MAPK10: variants seen among roughly 807,000 people sequenced by gnomAD.
MAPK10 encodes JNK3 alpha protein kinase.
MAPK10 carries 25 observed loss-of-function variants against 59.3 expected under a neutral mutation model. That is an observed-to-expected ratio of 0.42 (90% CI 0.31 to 0.59). The LOEUF is 0.59. Ranked by LOEUF, MAPK10 falls within the 20% of genes least tolerant of loss-of-function variation. The pLI, the probability that MAPK10 is intolerant of heterozygous loss-of-function variation, is 0.15. For missense variants in MAPK10, 351 were observed against 568.9 expected (o/e 0.62, Z 3.90); for synonymous variants, 190 against 200.5 (o/e 0.95, Z 0.44).
chr4:86,075,578 G>T (rs2049137224), intron 9 of MAPK10, among the ~76,000 whole-genome samples: 1 of 152,124 alleles, frequency 6.6e-6, no homozygotes, highest in African/African-American at 2.4e-5. Flanking sequence ...TTTCAGTGTG[G>T]ATGTCCTTTC....
At position 86,240,658 on chromosome 4, in the gene MAPK10, A is replaced by G. The variant is rs149927450; in HGVS notation, c.-6-46251T>C. 1.3e-4 allele frequency among the ~76,000 whole-genome samples: 20 copies of G among 148,460 alleles called. No homozygotes were observed. In the East Asian group the frequency reaches 3.9e-3, roughly 29 times the overall value. On this transcript the variant is annotated intron_variant, in intron 2 of 13. Transcript: ENST00000641462. The stretch of plus-strand genomic sequence containing the variant: ...TGTTTTGTCAAAGACTAGGATTGCA[A>G]CCCGTGCCTTTTTATTTTTTTCCAT...
chr4:86,496,949 T>G (rs1579399505), intron 1 of MAPK10, among the ~76,000 whole-genome samples: 1 of 152,332 alleles, frequency 6.6e-6, no homozygotes, highest in East Asian at 1.9e-4. Flanking sequence ...ATCTCTCTTT[T>G]GCCACAAAAT....
intron 4 of MAPK10, among the ~76,000 whole-genome samples, chr4:86,145,877 G>A (rs1298487970): frequency 6.6e-6 from 1 of 151,960 alleles, no homozygotes; most frequent in Non-Finnish European, 1.5e-5. Context: ...AAAAAAAAAT[G>A]TAGACCTTCT....
intron 1 of MAPK10, among the ~76,000 whole-genome samples, chr4:86,380,507 C>T (rs920805707): frequency 7.9e-5 from 12 of 152,146 alleles, no homozygotes; most frequent in African/African-American, 2.7e-4. Context: ...CTTTTCTGAC[C>T]ATTTTAGCCC....
intron 3 of MAPK10, among the ~76,000 whole-genome samples, chr4:86,170,153 T>A: frequency 6.6e-6 from 1 of 150,980 alleles, no homozygotes; most frequent in East Asian, 1.9e-4. Context: ...CTGCATCAAC[T>A]AACGAGCAAA....
At position 86,016,695 on chromosome 4, in the gene MAPK10, C is replaced by G. The variant is rs1743447406; in HGVS notation, c.*533G>C. 1 of 154,890 alleles carries G rather than the reference C, an allele frequency of 6.5e-6. No individual in the cohort carries two copies. The highest frequency in any genetic ancestry group is 6.3e-5 in the Admixed American group (1 of 15,830). The allele number at this position is 154,890 out of a possible 1,614,324, so 9.6% of individuals were successfully genotyped here. A position where few individuals can be genotyped will look rare whatever the true frequency, so the allele number is the denominator to read the frequency against. ...CACATGAAATGGACCATGTGGTACC[C>G]CAGTGCATTATGTCTTGGTAGAGCC... On this transcript the variant is annotated 3_prime_UTR_variant, in exon 14 of 14. Transcript: ENST00000641462.
intron 4 of MAPK10, among the ~76,000 whole-genome samples, chr4:86,136,536 G>A (rs1197917191): frequency 4.0e-5 from 6 of 149,956 alleles, no homozygotes; most frequent in East Asian, 2.0e-4. Context: ...TGAAGGAAGC[G>A]CTAAACATGG....
chr4:86,013,746 A>G lies in MAPK10; in HGVS notation c.*3482T>C, dbSNP rs113829489. ...ATATTTTTCTGATAACAGATTGAAA[A>G]AACTATCGAGCTTCTTAACCCTCAA... On this transcript the variant is annotated 3_prime_UTR_variant, in exon 14 of 14. Transcript: ENST00000641462. The G allele has an allele frequency of 3.7e-4, 56 of 152,302 alleles. No homozygotes were observed. The highest frequency in any genetic ancestry group is 1.3e-3 in the African/African-American group (55 of 41,568). 9.4% of individuals were successfully genotyped at this position (152,302 alleles called of 1,614,324 possible).
intron 9 of MAPK10, among the ~76,000 whole-genome samples, chr4:86,070,628 G>A (rs1429408208): frequency 6.8e-6 from 1 of 146,188 alleles, no homozygotes; most frequent in East Asian, 2.0e-4. Flanking sequence ...ACCTATGAGT[G>A]AGAATATGCG....
At chr4:86,471,411 T>G (rs1177939352) in intron 1 of MAPK10, among the ~76,000 whole-genome samples, 1 of 151,580 alleles carries the variant, frequency 6.6e-6, no homozygotes, top group African/African-American at 2.4e-5. Flanking sequence ...TCTTACAAAA[T>G]AAGAGATAAA....
intron 4 of MAPK10, chr4:86,125,334 T>C (rs2059903692): frequency 6.6e-6 from 1 of 151,966 alleles, no homozygotes; most frequent in East Asian, 1.9e-4. Flanking sequence ...GTAATTATTC[T>C]TCTCATTAAA....
At chr4:86,201,057 C>CA (rs1226136340) in intron 2 of MAPK10, among the ~76,000 whole-genome samples, 1 of 151,852 alleles carries the variant, frequency 6.6e-6, no homozygotes, top group Admixed American at 6.6e-5. Flanking sequence ...TCCATGAGAT[C>CA]AATTTCTTTA....
At chr4:86,573,598 T>C (rs1229473214) in intron 1 of MAPK10, among the ~76,000 whole-genome samples, 1 of 152,218 alleles carries the variant, frequency 6.6e-6, no homozygotes, top group Non-Finnish European at 1.5e-5. Context: ...AAACAAAGTT[T>C]AGAATATGCC....
rs1475777023 is a variant in MAPK10, at chr4:86,461,141, G to T, written c.-262-106497C>A. Among the ~76,000 whole-genome samples, 755 of 115,502 alleles carry T rather than the reference G, an allele frequency of 6.5e-3. 10 individuals are homozygous for T. The highest frequency in any genetic ancestry group is 6.8e-3 in the Non-Finnish European group (360 of 53,214). The allele number at this position is 115,502 out of a possible 152,430, so 75.8% of individuals were successfully genotyped here. A position where few individuals can be genotyped will look rare whatever the true frequency, so the allele number is the denominator to read the frequency against. On this transcript the variant is annotated intron_variant, in intron 1 of 4. Coordinates refer to the MAPK10 transcript ENST00000502302. ...CACCTGAGTACTCTTTTTTTTTTTT[G>T]AAATATTTAAAGAGGTTTATTCTGA...
intron 1 of MAPK10, among the ~76,000 whole-genome samples, chr4:86,557,843 A>C (rs1403474816): frequency 6.6e-6 from 1 of 151,918 alleles, no homozygotes; most frequent in East Asian, 1.9e-4. Flanking sequence ...TTTTATATAC[A>C]CTCCTTCTGT....
chr4:86,413,611 G>C (rs979809734), intron 1 of MAPK10, among the ~76,000 whole-genome samples: 9 of 152,172 alleles, frequency 5.9e-5, no homozygotes, highest in African/African-American at 2.2e-4. Context: ...AGCTATTCAA[G>C]CCTCAGCAAT....
At chr4:86,121,236 G>C (rs895836891) in intron 4 of MAPK10, among the ~76,000 whole-genome samples, 1 of 152,136 alleles carries the variant, frequency 6.6e-6, no homozygotes, top group African/African-American at 2.4e-5. Context: ...CTTGAGTCTG[G>C]GAAGTACAAG....
At chr4:86,487,477 C>T (rs1446528235) in intron 1 of MAPK10, among the ~76,000 whole-genome samples, 1 of 151,862 alleles carries the variant, frequency 6.6e-6, no homozygotes, top group Non-Finnish European at 1.5e-5. Context: ...CACCTGTAAT[C>T]CCAGCACTTT....
At chr4:86,039,042 C>T (rs930140264) in intron 11 of MAPK10, among the ~76,000 whole-genome samples, 4 of 152,094 alleles carry the variant, frequency 2.6e-5, no homozygotes, top group African/African-American at 9.7e-5. Context: ...TGTCTGTGTT[C>T]TCAAACAGAA....
Sources: gnomAD v4.1 joint callset for allele counts (sites outside exome capture counted in the v4.1 genomes callset) on GRCh38, gnomAD v4.1.1 for gene constraint, MANE v1.5 for transcripts, NCBI Gene and HGNC (gene_info 2026-07-23, HGNC 2026-07-21) for gene names.